The following HS3ST4 variants were observed in gnomAD, a reference collection of about 807,000 sequenced individuals.
HS3ST4 encodes heparan sulfate-glucosamine 3-sulfotransferase 4, also known as heparan sulfate glucosamine 3-O-sulfotransferase 4.
A neutral mutation model predicts 29.2 loss-of-function variants in HS3ST4; 17 were observed. The ratio of observed to expected loss-of-function variants is 0.58; its 90% CI spans 0.40 to 0.87. The LOEUF (loss-of-function observed/expected upper bound fraction) is 0.87. Ranked by LOEUF, HS3ST4 falls within the 40% of genes least tolerant of loss-of-function variation. HS3ST4 has a pLI of 0.00. For missense variants in HS3ST4, 627 were observed against 634.5 expected, an observed-to-expected ratio of 0.99 and a Z score of 0.13; for synonymous variants, 314 against 285.7, an observed-to-expected ratio of 1.10 and a Z score of -1.00.
At chr16:25,702,020 G>A (rs1411322159) in intron 1 of HS3ST4, among the ~76,000 whole-genome samples, 1 of 152,168 alleles carries the variant, frequency 6.6e-6, no homozygotes, top group African/African-American at 2.4e-5. Flanking sequence ...CATACCTAAA[G>A]CCAGCATCAT....
At position 26,008,727 on chromosome 16, in the gene HS3ST4, G is replaced by A. The variant is rs568575382; in HGVS notation, c.735-126885G>A. 7.9e-5 allele frequency among the ~76,000 whole-genome samples: 12 copies of A among 152,316 alleles called. No individual in the cohort carries two copies. In the South Asian group the frequency reaches 1.7e-3, roughly 21 times the overall value. On this transcript the variant is annotated intron_variant, in intron 1 of 1. Coordinates refer to ENST00000331351, the MANE Select transcript of HS3ST4 (RefSeq NM_006040.3). ...CCAGCTACTTGGGAGGCTGAGGCAC[G>A]AGAATCACTAGAACCCAGGAGGCGG...
At chr16:25,892,009 C>T (rs980320367) in intron 1 of HS3ST4, among the ~76,000 whole-genome samples, 5 of 152,180 alleles carry the variant, frequency 3.3e-5, no homozygotes. Context: ...GAGCCTGGCA[C>T]ACTGTAAATC....
chr16:25,822,411 A>G (rs761847944), intron 1 of HS3ST4, among the ~76,000 whole-genome samples: 3 of 152,096 alleles, frequency 2.0e-5, no homozygotes, highest in Admixed American at 6.5e-5. Flanking sequence ...GTTGGATTTC[A>G]ACATATGAAT....
intron 1 of HS3ST4, among the ~76,000 whole-genome samples, chr16:25,961,887 T>G (rs767894386): frequency 6.6e-6 from 1 of 152,204 alleles, no homozygotes; most frequent in Non-Finnish European, 1.5e-5. Context: ...TAACCTCTAT[T>G]TTATACTACT....
chr16:25,982,345 C>T (rs551269397), intron 1 of HS3ST4, among the ~76,000 whole-genome samples: 1 of 152,304 alleles, frequency 6.6e-6, no homozygotes, highest in East Asian at 1.9e-4. Context: ...GAAAGTTGGA[C>T]CATGTTTGTT....
At chr16:25,693,798 G>A (rs576863015) in intron 1 of HS3ST4, among the ~76,000 whole-genome samples, 1 of 152,260 alleles carries the variant, frequency 6.6e-6, no homozygotes, top group South Asian at 2.1e-4. Context: ...ATGACAGTTG[G>A]TGCCCTGAGA....
intron 1 of HS3ST4, among the ~76,000 whole-genome samples, chr16:25,773,432 T>C (rs1045263292): frequency 2.6e-5 from 4 of 152,166 alleles, no homozygotes; most frequent in Non-Finnish European, 4.4e-5. Flanking sequence ...TTGCCTTGGT[T>C]GTGAATTTGT....
At chr16:25,740,851 G>A (rs1966646945) in intron 1 of HS3ST4, among the ~76,000 whole-genome samples, 2 of 152,078 alleles carry the variant, frequency 1.3e-5, no homozygotes, top group Non-Finnish European at 2.9e-5. Context: ...ATTACTAAGT[G>A]GATGGAGTTC....
At chr16:26,030,631 A>G (rs1969523023) in intron 1 of HS3ST4, among the ~76,000 whole-genome samples, 2 of 152,156 alleles carry the variant, frequency 1.3e-5, no homozygotes, top group African/African-American at 4.8e-5. Context: ...CTTGCTGGCT[A>G]TACATACCTA....
chr16:25,986,553 T>C (rs1371556431), intron 1 of HS3ST4, among the ~76,000 whole-genome samples: 1 of 152,226 alleles, frequency 6.6e-6, no homozygotes, highest in African/African-American at 2.4e-5. Flanking sequence ...GTCAATTCAG[T>C]AGCAGCCCTC....
At chr16:25,777,786 A>G (rs1291277506) in intron 1 of HS3ST4, among the ~76,000 whole-genome samples, 1 of 152,136 alleles carries the variant, frequency 6.6e-6, no homozygotes. Context: ...CAAACAAAGA[A>G]ATCGAAACAG....
At position 25,692,346 on chromosome 16, in the gene HS3ST4, C is replaced by T. The variant is rs1966257012; in HGVS notation, c.-72C>T. 6.1e-6 allele frequency: 1 copy of T among 163,314 alleles called. No homozygotes were observed. The highest frequency in any genetic ancestry group is 1.2e-5 in the Non-Finnish European group (1 of 85,584). 10.1% of individuals were successfully genotyped at this position (163,314 alleles called of 1,614,324 possible). A position where few individuals can be genotyped will look rare whatever the true frequency, so the allele number is the denominator to read the frequency against. ...GCGGCGGCGGCGGCGGCGGGGGCGG[C>T]GGCTGAAACCATGTCCGGGCAGCGC... On this transcript the variant is annotated 5_prime_UTR_variant, in exon 1 of 2. Coordinates refer to ENST00000331351, the MANE Select transcript of HS3ST4 (RefSeq NM_006040.3).
intron 1 of HS3ST4, among the ~76,000 whole-genome samples, chr16:26,021,725 G>A (rs559755371): frequency 6.6e-6 from 1 of 151,124 alleles, no homozygotes; most frequent in African/African-American, 2.4e-5. Context: ...GTGCAGTGGT[G>A]CGATCTCAGC....
intron 1 of HS3ST4, among the ~76,000 whole-genome samples, chr16:25,697,676 GC>G (rs1360439565): frequency 1.3e-5 from 2 of 152,174 alleles, no homozygotes; most frequent in Non-Finnish European, 2.9e-5. Flanking sequence ...CTGAAGAGGA[GC>G]CTGGGAGTCC....
At position 25,823,601 on chromosome 16, in the gene HS3ST4, C is replaced by T. The variant is rs978504185; in HGVS notation, c.734+130450C>T. Reference sequence around the variant, plus strand: ...TTTGAGATGAAGTCTTGCTCTGTTGCCCAGACTGGAGTGCAGTGGGATGAT... The same window carrying T: ...TTTGAGATGAAGTCTTGCTCTGTTGTCCAGACTGGAGTGCAGTGGGATGAT... On this transcript the variant is annotated intron_variant, in intron 1 of 1. Coordinates refer to ENST00000331351, the MANE Select transcript of HS3ST4 (RefSeq NM_006040.3). Among the ~76,000 whole-genome samples, 9 of 152,220 alleles carry T rather than the reference C, an allele frequency of 5.9e-5. No homozygotes were observed. The East Asian group carries it at 1.7e-3, about 29-fold the overall frequency.
chr16:25,748,831 A>G (rs1260353750), intron 1 of HS3ST4, among the ~76,000 whole-genome samples: 4 of 152,228 alleles, frequency 2.6e-5, no homozygotes. Context: ...ATTAGGAAAT[A>G]TTAAAGTTTT....
chr16:26,096,081 T>A (rs1898922355), intron 1 of HS3ST4, among the ~76,000 whole-genome samples: 1 of 151,742 alleles, frequency 6.6e-6, no homozygotes. Flanking sequence ...AAGTTGAATC[T>A]CTGAAATTGA....
At chr16:25,915,592 A>G (rs1054873413) in intron 1 of HS3ST4, among the ~76,000 whole-genome samples, 9 of 152,196 alleles carry the variant, frequency 5.9e-5, no homozygotes, top group African/African-American at 1.7e-4. Context: ...GTCCATCATC[A>G]TATCAGACCA....
At chr16:25,730,021 C>G (rs1966560468) in intron 1 of HS3ST4, among the ~76,000 whole-genome samples, 1 of 152,178 alleles carries the variant, frequency 6.6e-6, no homozygotes, top group Non-Finnish European at 1.5e-5. Context: ...TAAATCTCTT[C>G]CAGGTCACTT....
Sources: allele counts gnomAD v4.1 joint callset (sites outside exome capture counted in the v4.1 genomes callset), GRCh38; gene constraint gnomAD v4.1.1; transcripts MANE v1.5; gene names NCBI Gene and HGNC (gene_info 2026-07-23, HGNC 2026-07-21).